MAF: variants seen among roughly 807,000 people sequenced by gnomAD.
MAF encodes transcription factor Maf.
A neutral mutation model predicts 22.0 loss-of-function variants in MAF; 10 were observed. That is an observed-to-expected ratio of 0.45 (90% CI 0.28 to 0.77). The LOEUF (loss-of-function observed/expected upper bound fraction) is 0.77, where lower values mean the gene tolerates loss of function less well. Ranked by LOEUF, MAF falls within the 30% of genes least tolerant of loss-of-function variation. The pLI, the probability that MAF is intolerant of heterozygous loss-of-function variation, is 0.12. For synonymous variants in MAF, 337 were observed against 255.8 expected (o/e 1.32, Z -3.03); for missense variants, 544 against 548.4 (o/e 0.99, Z 0.08).
the MAF span, among the ~76,000 whole-genome samples, chr16:79,296,370 G>C: frequency 2.0e-5 from 3 of 152,140 alleles, no homozygotes; most frequent in African/African-American, 7.2e-5. Context: ...GGCCTGTCGG[G>C]GGGCAGGGTG....
At chr16:79,468,823 G>A in the MAF span, among the ~76,000 whole-genome samples, 2 of 152,130 alleles carry the variant, frequency 1.3e-5, no homozygotes, top group African/African-American at 2.4e-5. Flanking sequence ...TAAATCACCC[G>A]GGCTATTCTT....
the MAF span, among the ~76,000 whole-genome samples, chr16:79,577,432 T>G: frequency 6.6e-6 from 1 of 152,324 alleles, no homozygotes; most frequent in South Asian, 2.1e-4. Flanking sequence ...GCTTTGTGCC[T>G]GAGTCTCCTA....
chr16:79,598,406 G>A (rs1913700795), intron 1 of MAF: 1 of 1,199,194 alleles, frequency 8.3e-7, no homozygotes, highest in Non-Finnish European at 1.0e-6. Context: ...GAAGAACTCT[G>A]CTGAGATCAT....
At chr16:79,412,587 C>T in the MAF span, among the ~76,000 whole-genome samples, 2 of 152,170 alleles carry the variant, frequency 1.3e-5, no homozygotes, top group African/African-American at 4.8e-5. Context: ...CCCTTTTGGC[C>T]ACAGCACCTC....
the MAF span, among the ~76,000 whole-genome samples, chr16:79,553,862 G>T: frequency 1.3e-5 from 2 of 152,140 alleles, no homozygotes; most frequent in Non-Finnish European, 2.9e-5. Context: ...GCCGAGGCGG[G>T]TGGATCATTT....
At chr16:79,322,595 T>C in the MAF span, among the ~76,000 whole-genome samples, 1 of 152,156 alleles carries the variant, frequency 6.6e-6, no homozygotes, top group Non-Finnish European at 1.5e-5. Flanking sequence ...AACAGACCTT[T>C]CTGTTTTCTA....
At chr16:79,294,546 C>T in the MAF span, among the ~76,000 whole-genome samples, 5 of 152,098 alleles carry the variant, frequency 3.3e-5, no homozygotes, top group East Asian at 1.9e-4. Context: ...TAATTGTTAC[C>T]GTATTGTAAT....
the MAF span, among the ~76,000 whole-genome samples, chr16:79,222,216 G>C: frequency 6.6e-6 from 1 of 152,032 alleles, no homozygotes; most frequent in Admixed American, 6.6e-5. Flanking sequence ...TTCAACCCAG[G>C]ATTTCATATC....
chr16:79,240,184 G>T, the MAF span, among the ~76,000 whole-genome samples: 1 of 151,454 alleles, frequency 6.6e-6, no homozygotes, highest in Non-Finnish European at 1.5e-5. Flanking sequence ...AATTAACTTG[G>T]GGATACTGGA....
At chr16:79,561,661 A>G in the MAF span, among the ~76,000 whole-genome samples, 1 of 152,172 alleles carries the variant, frequency 6.6e-6, no homozygotes, top group Non-Finnish European at 1.5e-5. Context: ...TGGAACCTTC[A>G]GGAAAGGGAG....
At chr16:79,444,193 T>A in the MAF span, among the ~76,000 whole-genome samples, 5 of 151,316 alleles carry the variant, frequency 3.3e-5, no homozygotes, top group African/African-American at 4.9e-5. Flanking sequence ...TACACACACA[T>A]ACACACACAC....
At chr16:79,258,174 C>T in the MAF span, among the ~76,000 whole-genome samples, 23 of 152,262 alleles carry the variant, frequency 1.5e-4, no homozygotes, top group South Asian at 1.0e-3. Context: ...AGGAGTGAGA[C>T]GCCTCTGGGG....
chr16:79,255,545 T>C, the MAF span, among the ~76,000 whole-genome samples: 3 of 152,234 alleles, frequency 2.0e-5, no homozygotes, highest in Admixed American at 1.3e-4. Flanking sequence ...ACATTTGCTT[T>C]ACTGCCAGAA....
At chr16:79,389,893 G>A in the MAF span, among the ~76,000 whole-genome samples, 64 of 145,460 alleles carry the variant, frequency 4.4e-4, no homozygotes, top group Non-Finnish European at 5.5e-4. Context: ...GGAGAATGGC[G>A]TGAACCTGGG....
chr16:79,420,720 G>A, the MAF span, among the ~76,000 whole-genome samples: 1 of 152,210 alleles, frequency 6.6e-6, no homozygotes, highest in South Asian at 2.1e-4. Context: ...CCACAAATAA[G>A]TGACTGCAGT....
At chr16:79,429,562 G>A in the MAF span, among the ~76,000 whole-genome samples, 1 of 152,180 alleles carries the variant, frequency 6.6e-6, no homozygotes, top group African/African-American at 2.4e-5. Flanking sequence ...GCTCTTTACA[G>A]TTGACGTGGA....
intron 1 of MAF, chr16:79,597,191 C>T (rs992970357): frequency 1.2e-5 from 13 of 1,052,174 alleles, no homozygotes; most frequent in Admixed American, 5.5e-5. Flanking sequence ...GTGCATCAAT[C>T]GTTTAAAAAA....
At chr16:79,511,464 A>T in the MAF span, among the ~76,000 whole-genome samples, 1 of 152,144 alleles carries the variant, frequency 6.6e-6, no homozygotes, top group Non-Finnish European at 1.5e-5. Context: ...ACTGCCCAGG[A>T]AAGTTTTATC....
the MAF span, among the ~76,000 whole-genome samples, chr16:79,436,529 T>A: frequency 6.6e-6 from 1 of 152,164 alleles, no homozygotes. Context: ...GAAAAGTGCT[T>A]CTCTTGCTTT....
Sources: allele counts gnomAD v4.1 joint callset (sites outside exome capture counted in the v4.1 genomes callset), GRCh38; gene constraint gnomAD v4.1.1; transcripts MANE v1.5; gene names NCBI Gene and HGNC (gene_info 2026-07-23, HGNC 2026-07-21).